KAZN: variants seen among roughly 807,000 people sequenced by gnomAD.
The protein encoded by KAZN is kazrin.
KAZN carries 40 observed loss-of-function variants against 87.4 expected under a neutral mutation model. That is an observed-to-expected ratio of 0.46 (90% confidence interval 0.36 to 0.60). The LOEUF (loss-of-function observed/expected upper bound fraction) is 0.60, where lower values mean the gene tolerates loss of function less well. Among genes scored for constraint, KAZN ranks in the 20% least tolerant of loss-of-function variants. The pLI, the probability that KAZN is intolerant of heterozygous loss-of-function variation, is 0.00. For synonymous variants in KAZN, 466 were observed against 458.3 expected, an observed-to-expected ratio of 1.02 and a Z score of -0.22; for missense variants, 898 against 1,073.9, an observed-to-expected ratio of 0.84 and a Z score of 2.29.
chr1:15,070,531 G>A (rs1212603636), intron 8 of KAZN, among the ~76,000 whole-genome samples: 1 of 152,234 alleles, frequency 6.6e-6, no homozygotes, highest in African/African-American at 2.4e-5. Context: ...CCCCGCCACA[G>A]CATGAGCCTG....
At chr1:14,702,367 G>GT (rs1641978149) in intron 1 of KAZN, among the ~76,000 whole-genome samples, 6 of 52,696 alleles carry the variant, frequency 1.1e-4, no homozygotes, top group African/African-American at 1.9e-4. Flanking sequence ...TGTGTGTGTG[G>GT]ATTTCTCTGT....
chr1:14,949,958 G>A lies in KAZN; in HGVS notation c.227-10726G>A, dbSNP rs763670449. On this transcript the variant is annotated intron_variant, in intron 1 of 14. Coordinates refer to ENST00000376030, the MANE Select transcript of KAZN (RefSeq NM_201628.3). The surrounding 1 kb of genome is among the most constrained non-coding windows in gnomAD (Gnocchi z 4.3). ...GGTCTGGCTAAAGGTGTGTTTACAGGCCAGCGGCTTCACCGGAAGAGCCTC... is the reference window on the plus strand; with the variant it reads ...GGTCTGGCTAAAGGTGTGTTTACAGACCAGCGGCTTCACCGGAAGAGCCTC... Among the ~76,000 whole-genome samples the A allele has an allele frequency of 4.6e-5, 7 of 152,034 alleles. No homozygotes were observed. Among genetic ancestry groups the A allele is most frequent in the Non-Finnish European group, 1.0e-4 (7 of 68,020 alleles).
intron 1 of KAZN, among the ~76,000 whole-genome samples, chr1:14,955,297 T>C (rs1662954313): frequency 6.6e-6 from 1 of 152,238 alleles, no homozygotes; most frequent in South Asian, 2.1e-4. Flanking sequence ...GCTTTACGCA[T>C]GTCTTATTTA....
intron 8 of KAZN, among the ~76,000 whole-genome samples, chr1:15,071,736 G>A (rs1639516405): frequency 6.6e-6 from 1 of 152,212 alleles, no homozygotes; most frequent in Admixed American, 6.5e-5. Context: ...TATTCATCCT[G>A]AAAATGGCAG....
At chr1:15,028,339 G>A (rs2102209700) in intron 2 of KAZN, among the ~76,000 whole-genome samples, 1 of 152,334 alleles carries the variant, frequency 6.6e-6, no homozygotes, top group Non-Finnish European at 1.5e-5. Flanking sequence ...GACCCGCGTG[G>A]GTGAGGCCAG....
intron 1 of KAZN, among the ~76,000 whole-genome samples, chr1:13,948,493 T>G (rs1224516026): frequency 6.6e-6 from 1 of 152,198 alleles, no homozygotes; most frequent in East Asian, 1.9e-4. Flanking sequence ...AAGAACTGTG[T>G]CAATTAAACC....
chr1:13,960,906 A>T (rs1416309523), intron 1 of KAZN, among the ~76,000 whole-genome samples: 1 of 152,202 alleles, frequency 6.6e-6, no homozygotes, highest in African/African-American at 2.4e-5. Flanking sequence ...ATCCAGGTTC[A>T]GTTGGTAACA....
intron 2 of KAZN, among the ~76,000 whole-genome samples, chr1:14,425,746 G>A (rs1665685619): frequency 1.3e-5 from 2 of 152,190 alleles, no homozygotes; most frequent in Admixed American, 6.5e-5. Flanking sequence ...GGTCCTCCCA[G>A]TGGCCCTGGT....
intron 1 of KAZN, among the ~76,000 whole-genome samples, chr1:14,149,507 G>A (rs116562200): frequency 8.5e-4 from 130 of 152,176 alleles, no homozygotes; most frequent in Non-Finnish European, 1.6e-3. Flanking sequence ...CTGGGAACAC[G>A]GGGCTCTTGC....
At chr1:14,492,146 C>G (rs1315118041) in intron 2 of KAZN, among the ~76,000 whole-genome samples, 1 of 152,180 alleles carries the variant, frequency 6.6e-6, no homozygotes, top group Non-Finnish European at 1.5e-5. Context: ...GCCTGACCAG[C>G]TGGGGAAACT....
intron 1 of KAZN, among the ~76,000 whole-genome samples, chr1:14,677,012 A>G (rs907623825): frequency 6.6e-6 from 1 of 151,944 alleles, no homozygotes; most frequent in Non-Finnish European, 1.5e-5. Flanking sequence ...AGTAAGCTAT[A>G]GGATCCATAG....
At chr1:15,022,478 T>A (rs970075952) in intron 2 of KAZN, among the ~76,000 whole-genome samples, 1 of 152,082 alleles carries the variant, frequency 6.6e-6, no homozygotes, top group Non-Finnish European at 1.5e-5. Flanking sequence ...AACAAGCAAA[T>A]GGTAGGGCCA....
chr1:13,977,865 C>T (rs1025440049), intron 1 of KAZN, among the ~76,000 whole-genome samples: 2 of 152,154 alleles, frequency 1.3e-5, no homozygotes, highest in Admixed American at 6.5e-5. Flanking sequence ...CGGTGGCTCA[C>T]GCCTGTAATC....
intron 1 of KAZN, among the ~76,000 whole-genome samples, chr1:14,723,932 C>T (rs1185858086): frequency 6.6e-6 from 1 of 152,180 alleles, no homozygotes; most frequent in African/African-American, 2.4e-5. Flanking sequence ...TTTCTGTCCA[C>T]ACATGAGCGT....
intron 1 of KAZN, among the ~76,000 whole-genome samples, chr1:14,754,995 A>G (rs1338277547): frequency 6.6e-6 from 1 of 150,890 alleles, no homozygotes; most frequent in African/African-American, 2.4e-5. Flanking sequence ...TAATCCCAGC[A>G]CTGTGAGCGG....
chr1:14,752,476 A>G (rs1399240408), intron 1 of KAZN, among the ~76,000 whole-genome samples: 1 of 152,206 alleles, frequency 6.6e-6, no homozygotes, highest in African/African-American at 2.4e-5. Flanking sequence ...TTTATCTCTC[A>G]TAGCTCTGGA....
intron 1 of KAZN, among the ~76,000 whole-genome samples, chr1:13,980,150 A>G (rs994077545): frequency 6.6e-6 from 1 of 152,166 alleles, no homozygotes; most frequent in Admixed American, 6.6e-5. Flanking sequence ...ATGCAATAAT[A>G]TACACATGAG....
chr1:14,348,199 C>T (rs575467674), intron 2 of KAZN, among the ~76,000 whole-genome samples: 18 of 152,106 alleles, frequency 1.2e-4, no homozygotes, highest in African/African-American at 3.4e-4. Flanking sequence ...TACAGGCACA[C>T]GCCACCTTGC....
At chr1:14,982,576 T>C (rs529223232) in intron 2 of KAZN, among the ~76,000 whole-genome samples, 1 of 152,068 alleles carries the variant, frequency 6.6e-6, no homozygotes, top group African/African-American at 2.4e-5. Flanking sequence ...ACTACAGGCA[T>C]GCGCCACCAC....
Sources: allele counts gnomAD v4.1 joint callset (sites outside exome capture counted in the v4.1 genomes callset), GRCh38; gene constraint gnomAD v4.1.1; non-coding constraint Gnocchi (gnomAD v3.1); transcripts MANE v1.5; gene names NCBI Gene and HGNC (gene_info 2026-07-23, HGNC 2026-07-21).